Variants in UNC13C observed in about 807,000 individuals in gnomAD.
UNC13C encodes unc-13 homolog C.
UNC13C carries 174 observed loss-of-function variants against 245.4 expected under a neutral mutation model. The ratio of observed to expected loss-of-function variants is 0.71; its 90% CI spans 0.63 to 0.80. The LOEUF (loss-of-function observed/expected upper bound fraction) is 0.80, where lower values mean the gene tolerates loss of function less well. Ranked by LOEUF, UNC13C falls within the 30% of genes least tolerant of loss-of-function variation. The pLI, the probability that UNC13C is intolerant of heterozygous loss-of-function variation, is 0.00. For synonymous variants in UNC13C, 992 were observed against 895.1 expected (o/e 1.11, Z -1.93); for missense variants, 2,829 against 2,602.9 (o/e 1.09, Z -1.89).
intron 16 of UNC13C, among the ~76,000 whole-genome samples, chr15:54,335,208 G>A (rs1236350964): frequency 6.6e-6 from 1 of 152,000 alleles, no homozygotes; most frequent in Non-Finnish European, 1.5e-5. Context: ...CCACTCTCCT[G>A]AATTGCCAAC....
chr15:54,022,375 A>G (rs1895939075), intron 2 of UNC13C, among the ~76,000 whole-genome samples: 1 of 151,900 alleles, frequency 6.6e-6, no homozygotes, highest in Non-Finnish European at 1.5e-5. Context: ...CTTGACGATC[A>G]TGGCTCACTG....
rs1017097565 is a variant in UNC13C at position 54,525,900 on chromosome 15, T to C, written c.5546+263T>C. ...CAGAGTTTTGTTTTACCTGTCTATT[T>C]CCCACACTCAGGACAGAAACCATAT... On this transcript the variant is annotated intron_variant, in intron 25 of 32. Coordinates refer to ENST00000260323, the MANE Select transcript of UNC13C (RefSeq NM_001080534.3). Among the ~76,000 whole-genome samples the C allele has an allele frequency of 2.0e-5, 3 of 152,170 alleles. No individual in the cohort carries two copies. In the East Asian group the frequency reaches 5.8e-4, roughly 29 times the overall value.
At chr15:54,458,219 C>T (rs994215735) in intron 19 of UNC13C, among the ~76,000 whole-genome samples, 4 of 151,854 alleles carry the variant, frequency 2.6e-5, no homozygotes, top group Non-Finnish European at 5.9e-5. Context: ...GAGTTAATTT[C>T]CAATTTTATT....
chr15:54,477,662 C>T (rs1225534777), intron 19 of UNC13C, among the ~76,000 whole-genome samples: 1 of 135,112 alleles, frequency 7.4e-6, no homozygotes, highest in African/African-American at 2.8e-5. Flanking sequence ...ATGAAGCCCA[C>T]TTGATCATGG....
intron 2 of UNC13C, among the ~76,000 whole-genome samples, chr15:54,130,826 C>A (rs1369376054): frequency 6.6e-6 from 1 of 152,030 alleles, no homozygotes; most frequent in African/African-American, 2.4e-5. Flanking sequence ...AATATTCTTT[C>A]TGGTTTTATT....
At chr15:54,205,324 C>G (rs2140732228) in intron 4 of UNC13C, among the ~76,000 whole-genome samples, 1 of 152,028 alleles carries the variant, frequency 6.6e-6, no homozygotes, top group Non-Finnish European at 1.5e-5. Flanking sequence ...CTCTTGTCCC[C>G]CAATGTAAGA....
intron 2 of UNC13C, among the ~76,000 whole-genome samples, chr15:54,095,637 C>T (rs1045173922): frequency 2.6e-5 from 4 of 152,148 alleles, no homozygotes; most frequent in African/African-American, 7.2e-5. Flanking sequence ...TGGGAATCTG[C>T]GTTTTTACCT....
At chr15:54,299,254 T>C (rs574668294) in intron 12 of UNC13C, among the ~76,000 whole-genome samples, 22 of 152,290 alleles carry the variant, frequency 1.4e-4, no homozygotes, top group South Asian at 2.1e-4. Context: ...GTCCTTCAGT[T>C]TACCCTGGCT....
chr15:54,313,686 A>G (rs562268295), intron 13 of UNC13C, among the ~76,000 whole-genome samples: 2 of 151,936 alleles, frequency 1.3e-5, no homozygotes, highest in Admixed American at 6.6e-5. Flanking sequence ...CAATAACACA[A>G]TGCTTTTTTT....
At position 54,015,330 on chromosome 15, in the gene UNC13C, A is replaced by C. The variant is rs1440719185; in HGVS notation, c.2427A>C (p.Glu809Asp). 1.9e-6 allele frequency: 3 copies of C among 1,613,766 alleles called. No homozygotes were observed. Among genetic ancestry groups the C allele is most frequent in the Non-Finnish European group, 2.5e-6 (3 of 1,179,864 alleles). ...STLQRAKSAL[E>D]VVWNKSTQSL... is the part of the protein sequence containing the mutation. The stretch of plus-strand genomic sequence containing the variant: ...TGCAGAGGGCTAAATCAGCCTTGGA[A>C]GTAGTATGGAACAAAAGCACACAGA... Residue 809 changes from glutamate to aspartate, a missense_variant, in exon 2 of 33, where the codon GAA becomes GAC. Glu to Asp is a conservative substitution (Grantham distance 45). Transcript: ENST00000260323.
At chr15:54,152,337 A>G (rs2032557622) in intron 4 of UNC13C, among the ~76,000 whole-genome samples, 1 of 152,184 alleles carries the variant, frequency 6.6e-6, no homozygotes, top group Non-Finnish European at 1.5e-5. Flanking sequence ...TGAAGACAGT[A>G]TATTTGTTGA....
intron 2 of UNC13C, among the ~76,000 whole-genome samples, chr15:54,045,843 G>A (rs1178673809): frequency 1.3e-5 from 2 of 152,172 alleles, no homozygotes; most frequent in Admixed American, 6.5e-5. Context: ...TTACCATCAA[G>A]TTTGCAAAAT....
chr15:54,624,010 A>C, intron 32 of UNC13C, 56 bp downstream of exon 32: 2 of 1,600,504 alleles, frequency 1.2e-6, no homozygotes, highest in Non-Finnish European at 1.7e-6. Context: ...TGTACAGCTG[A>C]CCTTACTGAG....
At chr15:53,954,693 A>G in the UNC13C span, among the ~76,000 whole-genome samples, 2 of 152,276 alleles carry the variant, frequency 1.3e-5, no homozygotes, top group East Asian at 1.9e-4. Flanking sequence ...AGGAATTTAG[A>G]TGGTTCTCAG....
chr15:54,208,482 T>C (rs1168072896), intron 4 of UNC13C, among the ~76,000 whole-genome samples: 1 of 152,170 alleles, frequency 6.6e-6, no homozygotes, highest in African/African-American at 2.4e-5. Flanking sequence ...GTAGGATTTA[T>C]TGAGCAGCTA....
At chr15:54,106,337 A>G (rs1443410173) in intron 2 of UNC13C, among the ~76,000 whole-genome samples, 1 of 152,202 alleles carries the variant, frequency 6.6e-6, no homozygotes, top group Non-Finnish European at 1.5e-5. Flanking sequence ...CTGATGTTCA[A>G]GTCTTGAAGA....
chr15:54,041,380 CTG>C (rs773945732), intron 2 of UNC13C, among the ~76,000 whole-genome samples: 9 of 152,070 alleles, frequency 5.9e-5, no homozygotes, highest in Non-Finnish European at 1.0e-4. Context: ...GTATATAAAT[CTG>C]TTTCATTTTA....
chr15:54,339,311 T>C (rs1449495522), intron 17 of UNC13C, among the ~76,000 whole-genome samples: 2 of 152,202 alleles, frequency 1.3e-5, no homozygotes, highest in Non-Finnish European at 2.9e-5. Flanking sequence ...AAGTGGCATT[T>C]GGTTACATGA....
At position 54,627,332 on chromosome 15, in the gene UNC13C, T is replaced by A. The variant is rs1344531558; in HGVS notation, c.*219T>A. The A allele has an allele frequency of 1.2e-5, 5 of 424,370 alleles. No individual in the cohort carries two copies. Among genetic ancestry groups the A allele is most frequent in the African/African-American group, 7.9e-5 (4 of 50,578 alleles). The allele number at this position is 424,370 out of a possible 1,614,324, so 26.3% of individuals were successfully genotyped here. A position where few individuals can be genotyped will look rare whatever the true frequency, so the allele number is the denominator to read the frequency against. On this transcript the variant is annotated 3_prime_UTR_variant, in exon 33 of 33. Transcript: ENST00000260323. ...GCCAAAATTATGATGTAAAGTGAAA[T>A]ATCAAGAACACCTTTTAACATGTTT...
Sources: gnomAD v4.1 joint callset for allele counts (sites outside exome capture counted in the v4.1 genomes callset) on GRCh38, gnomAD v4.1.1 for gene constraint, MANE v1.5 for transcripts, NCBI Gene and HGNC (gene_info 2026-07-23, HGNC 2026-07-21) for gene names.